The following AUTS2 variants were observed in gnomAD, a reference collection of about 807,000 sequenced individuals.
AUTS2 encodes activator of transcription and developmental regulator AUTS2.
AUTS2 carries 17 observed loss-of-function variants against 112.4 expected under a neutral mutation model. The ratio of observed to expected loss-of-function variants is 0.15; its 90% CI spans 0.10 to 0.23. The LOEUF (loss-of-function observed/expected upper bound fraction) is 0.23. AUTS2 is among the 10% of genes least tolerant of loss of function. The pLI is 1.00. For missense variants in AUTS2, 1,510 were observed against 1,701.6 expected (o/e 0.89, Z 1.98); for synonymous variants, 751 against 702.7 (o/e 1.07, Z -1.09).
At chr7:70,256,246 T>C (rs1157703041) in intron 4 of AUTS2, among the ~76,000 whole-genome samples, 1 of 152,050 alleles carries the variant, frequency 6.6e-6, no homozygotes, top group African/African-American at 2.4e-5. Flanking sequence ...TTGAAGAGAG[T>C]ATTGTGTATT....
intron 1 of AUTS2, among the ~76,000 whole-genome samples, chr7:69,823,632 C>T (rs187708029): frequency 5.9e-5 from 9 of 152,198 alleles, no homozygotes; most frequent in South Asian, 2.1e-4. Context: ...ATAGTTGTGC[C>T]GGGCCTGCTA....
At position 70,612,792 on chromosome 7, in the gene AUTS2, A is replaced by ATT. The variant is rs111626540; in HGVS notation, c.691-85768_691-85767dup. 3.3e-4 allele frequency among the ~76,000 whole-genome samples: 49 copies of ATT among 150,366 alleles called. No individual in the cohort carries two copies. The Middle Eastern group carries it at 0.01, about 32-fold the overall frequency. On this transcript the variant is annotated intron_variant, in intron 5 of 18. Transcript: ENST00000342771. ...TTAGGATTTATTTCTTCTTTTCTAC[A>ATT]TTTTTTTTTTAAATCAGAAGGTATA...
intron 5 of AUTS2, among the ~76,000 whole-genome samples, chr7:70,602,066 G>A (rs1803500160): frequency 6.6e-6 from 1 of 152,128 alleles, no homozygotes. Context: ...CAAGATACCT[G>A]AGACTACCAG....
Position 70,532,004 on chromosome 7 carries a change from C to T in AUTS2, c.690+96223C>T, listed in dbSNP as rs138199401. 9.4e-3 allele frequency among the ~76,000 whole-genome samples: 1,434 copies of T among 152,258 alleles called. 15 individuals carry two copies. The highest frequency in any genetic ancestry group is 0.033 in the African/African-American group (1,368 of 41,558). ...TGGCTGGTCTAGATTGTTTGACTTA[C>T]GTCTGGTGAATAACAGGCTGATTGG... On this transcript the variant is annotated intron_variant, in intron 5 of 18. Transcript: ENST00000342771.
At chr7:70,018,164 T>A (rs182015349) in intron 2 of AUTS2, among the ~76,000 whole-genome samples, 88 of 152,312 alleles carry the variant, frequency 5.8e-4, no homozygotes, top group African/African-American at 2.1e-3. Flanking sequence ...TGATTTTTTT[T>A]AGCCCCTTTT....
rs1485820036 is a variant in AUTS2, at chr7:70,791,128, G to A, written c.*132G>A. 4.6e-5 allele frequency: 42 copies of A among 906,082 alleles called. No homozygotes were observed. The highest frequency in any genetic ancestry group is 5.9e-5 in the Non-Finnish European group (40 of 672,386). The allele number at this position is 906,082 out of a possible 1,614,324, so 56.1% of individuals were successfully genotyped here. A position where few individuals can be genotyped will look rare whatever the true frequency, so the allele number is the denominator to read the frequency against. ...CCCACCCCTTCCCCTTGTAAAAAAT[G>A]TATAGACTCAGTGCACATTTTGAAA... On this transcript the variant is annotated 3_prime_UTR_variant, in exon 19 of 19. Transcript: ENST00000342771.
chr7:69,686,758 G>A (rs1177084894), intron 1 of AUTS2, among the ~76,000 whole-genome samples: 1 of 152,120 alleles, frequency 6.6e-6, no homozygotes, highest in African/African-American at 2.4e-5. Flanking sequence ...ATTCTCAGCA[G>A]TGGCTCTGAT....
chr7:70,610,683 T>C (rs938660049), intron 5 of AUTS2, among the ~76,000 whole-genome samples: 31 of 152,250 alleles, frequency 2.0e-4, no homozygotes, highest in Middle Eastern at 3.4e-3. Flanking sequence ...GTGGCCGTCC[T>C]AACAAGTATG....
chr7:70,697,560 T>TTC (rs1554464392), intron 5 of AUTS2, among the ~76,000 whole-genome samples: 2 of 127,720 alleles, frequency 1.6e-5, no homozygotes, highest in Non-Finnish European at 3.2e-5. Flanking sequence ...ACTTCAGAAT[T>TTC]CCCCCCCCCC....
chr7:69,901,925 C>G (rs968975511), intron 2 of AUTS2, among the ~76,000 whole-genome samples: 1 of 152,172 alleles, frequency 6.6e-6, no homozygotes, highest in African/African-American at 2.4e-5. Flanking sequence ...GCTCCTCCCT[C>G]TGGGTCCCAT....
At chr7:70,475,032 C>T (rs892398247) in intron 5 of AUTS2, among the ~76,000 whole-genome samples, 3 of 152,182 alleles carry the variant, frequency 2.0e-5, no homozygotes, top group Non-Finnish European at 4.4e-5. Flanking sequence ...TCGTTGTTCT[C>T]TTTCCTAAGA....
chr7:70,141,936 C>G (rs1471856255), intron 4 of AUTS2, among the ~76,000 whole-genome samples: 4 of 152,186 alleles, frequency 2.6e-5, no homozygotes, highest in Non-Finnish European at 5.9e-5. Flanking sequence ...TGCCTACACA[C>G]TATGTTTAAC....
chr7:70,377,324 A>AT (rs1793135633), intron 4 of AUTS2, among the ~76,000 whole-genome samples: 6 of 85,960 alleles, frequency 7.0e-5, no homozygotes, highest in South Asian at 4.5e-4. Flanking sequence ...AAACAAATAT[A>AT]AATATATATA....
At chr7:70,245,169 T>TATATATATATATAA (rs1317610996) in intron 4 of AUTS2, among the ~76,000 whole-genome samples, 8 of 118,624 alleles carry the variant, frequency 6.7e-5, no homozygotes, top group Admixed American at 1.7e-4. Flanking sequence ...TATATATATA[T>TATATATATATATAA]AAAAAATAAA....
chr7:70,643,017 A>G (rs79787557), intron 5 of AUTS2, among the ~76,000 whole-genome samples: 4,754 of 152,168 alleles, frequency 0.031, 270 homozygotes, highest in African/African-American at 0.11. Flanking sequence ...TTGATTTTTG[A>G]TTTTTTAAAT....
At chr7:69,840,807 T>C (rs931152482) in intron 1 of AUTS2, among the ~76,000 whole-genome samples, 1 of 152,192 alleles carries the variant, frequency 6.6e-6, no homozygotes, top group Non-Finnish European at 1.5e-5. Flanking sequence ...AGTTCTTTCA[T>C]GATTGGTAAG....
At chr7:69,848,232 T>C (rs1359755007) in intron 1 of AUTS2, among the ~76,000 whole-genome samples, 1 of 152,240 alleles carries the variant, frequency 6.6e-6, no homozygotes, top group Non-Finnish European at 1.5e-5. Context: ...GAAAGACGAT[T>C]GCAGCCTGTA....
rs572224311 is a variant in AUTS2, at chr7:70,619,368, C to T, written c.691-79201C>T. Among the ~76,000 whole-genome samples, 6 of 152,202 alleles carry T rather than the reference C, an allele frequency of 3.9e-5. 1 individual carries two copies. In the East Asian group the frequency reaches 7.8e-4, roughly 20 times the overall value. ...CTGCCAGCAGGTTGCCTGCCTCCTG[C>T]GTGCAGCCGCTTCCTTTTTGTGCCT... On this transcript the variant is annotated intron_variant, in intron 5 of 18. Coordinates refer to ENST00000342771, the MANE Select transcript of AUTS2 (RefSeq NM_015570.4).
At chr7:70,679,743 T>C (rs1808108320) in intron 5 of AUTS2, among the ~76,000 whole-genome samples, 1 of 152,214 alleles carries the variant, frequency 6.6e-6, no homozygotes, top group African/African-American at 2.4e-5. Flanking sequence ...CACATTTCCT[T>C]GGCTAGGAAT....
Sources: gnomAD v4.1 joint callset for allele counts (sites outside exome capture counted in the v4.1 genomes callset) on GRCh38, gnomAD v4.1.1 for gene constraint, MANE v1.5 for transcripts, NCBI Gene and HGNC (gene_info 2026-07-23, HGNC 2026-07-21) for gene names.